Variants in NUP107 observed in about 807,000 individuals in gnomAD.
NUP107 encodes the protein nucleoporin 107.
Under a neutral mutation model 141.0 loss-of-function variants are expected in NUP107, and 101 were observed. The observed-to-expected ratio is 0.72, with a 90% CI of 0.61 to 0.84. The LOEUF is 0.84. NUP107 is among the 40% of genes least tolerant of loss of function. The probability of loss-of-function intolerance (pLI) is 0.00; values close to 1 mark genes in which losing one functional copy is unlikely to be tolerated. For synonymous variants in NUP107, 319 were observed against 363.9 expected (o/e 0.88, Z 1.41); for missense variants, 941 against 1,102.7 (o/e 0.85, Z 2.08).
chr12:68,717,562 G>T (rs992302674), intron 12 of NUP107, among the ~76,000 whole-genome samples: 1 of 151,946 alleles, frequency 6.6e-6, no homozygotes, highest in African/African-American at 2.4e-5. Flanking sequence ...GCACTTCATG[G>T]CATTCATTAC....
chr12:68,713,341 C>T (rs930369734), intron 10 of NUP107, among the ~76,000 whole-genome samples: 3 of 143,530 alleles, frequency 2.1e-5, no homozygotes, highest in Non-Finnish European at 4.5e-5. Flanking sequence ...TGCCACTGCA[C>T]TTTAGCCTCG....
At chr12:68,695,065 T>G (rs958262345) in intron 5 of NUP107, among the ~76,000 whole-genome samples, 2 of 152,196 alleles carry the variant, frequency 1.3e-5, no homozygotes, top group Non-Finnish European at 1.5e-5. Flanking sequence ...CACCCGTTAG[T>G]GTGGCTACTG....
At position 68,689,521 on chromosome 12, in the gene NUP107, C is replaced by A; in HGVS notation, c.101-12C>A. The stretch of plus-strand genomic sequence containing the variant: ...TTTCTACATGGAAAACTTTTCTTAA[C>A]TCGTTGTACAGTTCAGGCATCTCAA... On this transcript the variant is annotated splice_polypyrimidine_tract_variant and intron_variant, in intron 2 of 27. Coordinates refer to ENST00000229179, the MANE Select transcript of NUP107 (RefSeq NM_020401.4). 1 of 1,544,162 alleles carries A rather than the reference C, an allele frequency of 6.5e-7. No homozygotes were observed. Among genetic ancestry groups the A allele is most frequent in the Non-Finnish European group, 8.8e-7 (1 of 1,135,564 alleles).
intron 10 of NUP107, among the ~76,000 whole-genome samples, chr12:68,713,198 C>A (rs970082850): frequency 1.4e-5 from 2 of 144,940 alleles, no homozygotes; most frequent in Non-Finnish European, 2.9e-5. Context: ...CACAGTGAGA[C>A]CCCCATCTCT....
chr12:68,733,423 C>T (rs1430416427), intron 23 of NUP107, 29 bp from the exon 24 acceptor site: 1 of 1,593,206 alleles, frequency 6.3e-7, no homozygotes, highest in Non-Finnish European at 8.6e-7. Flanking sequence ...AGTCCGTAGG[C>T]ATTCAAAATT....
chr12:68,717,633 A>G (rs1877170201), intron 12 of NUP107, among the ~76,000 whole-genome samples: 1 of 152,170 alleles, frequency 6.6e-6, no homozygotes, highest in Non-Finnish European at 1.5e-5. Flanking sequence ...ATCAACCCAA[A>G]TACAAACTGT....
At chr12:68,732,436 G>C (rs1430147641) in intron 22 of NUP107, 2 of 418,382 alleles carry the variant, frequency 4.8e-6, no homozygotes, top group Non-Finnish European at 8.6e-6. Context: ...ATGCCCAGCA[G>C]TATTTTCTAT....
At chr12:68,726,349 T>C in intron 18 of NUP107, 150 bp from the exon 19 acceptor site, 1 of 556,070 alleles carries the variant, frequency 1.8e-6, no homozygotes, top group Non-Finnish European at 3.2e-6. Context: ...AAACTCTGTT[T>C]CAAAGAGGGT....
chr12:68,733,725 G>A lies in NUP107; in HGVS notation c.2262+113G>A, dbSNP rs1877947060. 3.0e-6 allele frequency: 3 copies of A among 1,005,970 alleles called. No homozygotes were observed. In the South Asian group the frequency reaches 4.8e-5, roughly 16 times the overall value. 62.3% of individuals were successfully genotyped at this position (1,005,970 alleles called of 1,614,324 possible). A position where few individuals can be genotyped will look rare whatever the true frequency, so the allele number is the denominator to read the frequency against. On this transcript the variant is annotated intron_variant, in intron 24 of 27. Transcript: ENST00000229179. Reference sequence around the variant, plus strand: ...AGTGTTGGTTCATCTTACCTCTCTTGTGACTATAGTGCTGACTCATCCACA... The same window carrying A: ...AGTGTTGGTTCATCTTACCTCTCTTATGACTATAGTGCTGACTCATCCACA...
chr12:68,722,756 C>A (rs1012502932), intron 17 of NUP107, among the ~76,000 whole-genome samples: 12 of 152,062 alleles, frequency 7.9e-5, no homozygotes, highest in African/African-American at 2.9e-4. Context: ...TAATGATAAT[C>A]TCCAAGTTAG....
At chr12:68,713,978 C>T in intron 11 of NUP107, 170 bp downstream of exon 11, 1 of 568,580 alleles carries the variant, frequency 1.8e-6, no homozygotes, top group Non-Finnish European at 3.1e-6. Context: ...TATATTGAAA[C>T]ATATCCGTGA....
rs778111272 is a variant in NUP107 at position 68,727,334 on chromosome 12, C to CT, written c.1696-10dup. On this transcript the variant is annotated splice_polypyrimidine_tract_variant and intron_variant, in intron 19 of 27. Coordinates refer to ENST00000229179, the MANE Select transcript of NUP107 (RefSeq NM_020401.4). ...ATAAGCAGTGTATTTATAATTATGTCTTTTTTTCCTATGAAGGAGGAAGTT... is the reference window on the plus strand; with the variant it reads ...ATAAGCAGTGTATTTATAATTATGTCTTTTTTTTCCTATGAAGGAGGAAGTT... 3.0e-5 allele frequency: 42 copies of CT among 1,378,494 alleles called. No individual in the cohort carries two copies. The highest frequency in any genetic ancestry group is 4.2e-5 in the Non-Finnish European group (41 of 985,270). 85.4% of individuals were successfully genotyped at this position (1,378,494 alleles called of 1,614,324 possible).
Position 68,742,460 on chromosome 12 carries a change from T to G in NUP107, c.2776T>G (p.Ter926GluextTer13). Reference sequence around the variant, plus strand: ...CCCATTAGGGTATGAAATTCAGTTATAGTTTAATCTTTGTAATCTCACTAA... The same window carrying G: ...CCCATTAGGGTATGAAATTCAGTTAGAGTTTAATCTTTGTAATCTCACTAA... ...LDPLGYEIQL[*>E] Residue 926 changes from the stop codon to glutamate (E), a stop_lost, in exon 28 of 28, where the codon TAG becomes GAG. Coordinates refer to ENST00000229179, the MANE Select transcript of NUP107 (RefSeq NM_020401.4). 6.7e-7 allele frequency: 1 copy of G among 1,488,076 alleles called. No individual in the cohort carries two copies. Among genetic ancestry groups the G allele is most frequent in the Non-Finnish European group, 9.2e-7 (1 of 1,085,510 alleles). The allele number at this position is 1,488,076 out of a possible 1,614,324, so 92.2% of individuals were successfully genotyped here.
chr12:68,710,683 A>G (rs1380376771), intron 10 of NUP107, among the ~76,000 whole-genome samples: 1 of 151,572 alleles, frequency 6.6e-6, no homozygotes, highest in Non-Finnish European at 1.5e-5. Context: ...AAAAGAAATA[A>G]TTGGAATAAA....
chr12:68,725,673 T>G, intron 17 of NUP107, 54 bp from the exon 18 acceptor site: 1 of 876,638 alleles, frequency 1.1e-6, no homozygotes, highest in Non-Finnish European at 1.8e-6. Context: ...AGTGAATATA[T>G]ACTACAGAAT....
chr12:68,718,846 TTATGTATGTATGTATGTATGTATGTATG>T (rs72374995), intron 12 of NUP107, among the ~76,000 whole-genome samples: 2 of 148,958 alleles, frequency 1.3e-5, no homozygotes, highest in East Asian at 2.0e-4. Flanking sequence ...TAGAATGCCA[TTATGTATGTATGTATGTATGTATGTATG>T]TATGTATGTA....
chr12:68,705,556 T>TAAA, intron 8 of NUP107: 1 of 196,222 alleles, frequency 5.1e-6, no homozygotes, highest in Non-Finnish European at 1.0e-5. Context: ...AAAAAAAGAA[T>TAAA]CACCAAGAAG....
chr12:68,713,635 AGTCT>A (rs1876972207), intron 10 of NUP107, 91 bp from the exon 11 acceptor site: 15 of 847,824 alleles, frequency 1.8e-5, no homozygotes, highest in Non-Finnish European at 2.7e-5. Flanking sequence ...CTGGGATTGT[AGTCT>A]GTCTTTCTTC....
At chr12:68,713,376 A>G (rs1047478994) in intron 10 of NUP107, among the ~76,000 whole-genome samples, 2 of 73,714 alleles carry the variant, frequency 2.7e-5, no homozygotes, top group African/African-American at 4.8e-5. Flanking sequence ...CCCTGTCTCC[A>G]AAAAAAAAAA....
Sources: allele counts gnomAD v4.1 joint callset (sites outside exome capture counted in the v4.1 genomes callset), GRCh38; gene constraint gnomAD v4.1.1; transcripts MANE v1.5; gene names NCBI Gene and HGNC (gene_info 2026-07-23, HGNC 2026-07-21).